Variants in GLIS3 observed in about 807,000 individuals in gnomAD.
GLIS3 encodes zinc finger protein GLIS3.
Under a neutral mutation model 78.6 loss-of-function variants are expected in GLIS3, and 53 were observed. The ratio of observed to expected loss-of-function variants is 0.67; its 90% confidence interval spans 0.54 to 0.85. The LOEUF (loss-of-function observed/expected upper bound fraction) is 0.85. Among genes scored for constraint, GLIS3 ranks in the 40% least tolerant of loss-of-function variants. GLIS3 has a pLI of 0.00. For synonymous variants in GLIS3, 684 were observed against 509.9 expected (o/e 1.34, Z -4.60); for missense variants, 1,703 against 1,231.1 (o/e 1.38, Z -5.74).
chr9:4,005,329 A>G (rs961811946), intron 4 of GLIS3, among the ~76,000 whole-genome samples: 1 of 152,236 alleles, frequency 6.6e-6, no homozygotes, highest in Non-Finnish European at 1.5e-5. Flanking sequence ...CCTGCCATTC[A>G]TTCATTCATG....
chr9:3,867,367 C>T (rs892360082), intron 8 of GLIS3, among the ~76,000 whole-genome samples: 6 of 152,156 alleles, frequency 3.9e-5, no homozygotes, highest in African/African-American at 1.4e-4. Flanking sequence ...AGGAGCATAT[C>T]AGGGGAGTGT....
intron 4 of GLIS3, among the ~76,000 whole-genome samples, chr9:4,070,244 C>G (rs533411228): frequency 3.0e-4 from 45 of 152,230 alleles, no homozygotes; most frequent in Admixed American, 1.4e-3. Flanking sequence ...CCATACAGAT[C>G]CATTCTGAGC....
At chr9:4,429,516 C>T in the GLIS3 span, among the ~76,000 whole-genome samples, 2 of 152,186 alleles carry the variant, frequency 1.3e-5, no homozygotes, top group African/African-American at 2.4e-5. Flanking sequence ...CCACAAGAGC[C>T]TTGTCTGACC....
intron 2 of GLIS3, among the ~76,000 whole-genome samples, chr9:4,207,348 T>C (rs1819975403): frequency 6.6e-6 from 1 of 152,198 alleles, no homozygotes; most frequent in Admixed American, 6.5e-5. Flanking sequence ...AACTTAGGAA[T>C]TTCCATTCAG....
intron 2 of GLIS3, among the ~76,000 whole-genome samples, chr9:4,253,720 C>T (rs1006241504): frequency 5.3e-5 from 8 of 152,202 alleles, no homozygotes; most frequent in African/African-American, 1.7e-4. Context: ...TGCTTGAAAC[C>T]CACGGCCCTG....
chr9:4,303,356 G>A (rs1419685126), upstream of GLIS3, among the ~76,000 whole-genome samples: 4 of 152,036 alleles, frequency 2.6e-5, no homozygotes, highest in African/African-American at 9.7e-5. Context: ...AACTTTAAGG[G>A]GGGAACTAAA....
intron 2 of GLIS3, among the ~76,000 whole-genome samples, chr9:4,212,341 T>A (rs1347369423): frequency 6.6e-6 from 1 of 152,224 alleles, no homozygotes; most frequent in Non-Finnish European, 1.5e-5. Context: ...GGCTCACATC[T>A]TAACAATGGA....
At chr9:4,140,325 A>C (rs1039875982) in intron 2 of GLIS3, among the ~76,000 whole-genome samples, 2 of 152,170 alleles carry the variant, frequency 1.3e-5, no homozygotes, top group African/African-American at 2.4e-5. Flanking sequence ...CCCTGTCCCC[A>C]AAAAACAAAA....
intron 4 of GLIS3, among the ~76,000 whole-genome samples, chr9:3,991,786 C>G (rs1751568): frequency 0.012 from 1,784 of 147,060 alleles, 17 homozygotes; most frequent in African/African-American, 0.026. Context: ...CGCCTCCCGG[C>G]TTCATGCCAT....
At chr9:3,982,033 G>A (rs1819333061) in intron 4 of GLIS3, among the ~76,000 whole-genome samples, 1 of 152,048 alleles carries the variant, frequency 6.6e-6, no homozygotes, top group Non-Finnish European at 1.5e-5. Context: ...TGCTGGATTG[G>A]CCTGTCTAAT....
chr9:4,259,820 G>C (rs902362428), intron 2 of GLIS3, among the ~76,000 whole-genome samples: 10 of 152,204 alleles, frequency 6.6e-5, no homozygotes, highest in African/African-American at 2.4e-4. Flanking sequence ...TCTGGAATTA[G>C]ATGCCATTTT....
rs72690052 is a variant in GLIS3 at position 4,258,303 on chromosome 9, T to C, written c.388+27735A>G. ...AGAATAGTGAAATCTGAATAAAGTC[T>C]ACAGTTTTAGTTTACAGTAACATAT... On this transcript the variant is annotated intron_variant, in intron 2 of 10. Coordinates refer to ENST00000381971, the MANE Select transcript of GLIS3 (RefSeq NM_001042413.2). Among the ~76,000 whole-genome samples, 1,139 of 150,908 alleles carry C rather than the reference T, an allele frequency of 7.5e-3. 7 individuals carry two copies. The highest frequency in any genetic ancestry group is 0.011 in the Non-Finnish European group (771 of 67,562).
At chr9:4,148,770 A>G (rs1293699923) in intron 2 of GLIS3, among the ~76,000 whole-genome samples, 1 of 152,126 alleles carries the variant, frequency 6.6e-6, no homozygotes, top group East Asian at 1.9e-4. Context: ...ATAATTTAAA[A>G]TAAGGGGAAA....
At chr9:4,264,086 T>C (rs980589464) in intron 2 of GLIS3, among the ~76,000 whole-genome samples, 3 of 152,204 alleles carry the variant, frequency 2.0e-5, no homozygotes, top group Admixed American at 6.5e-5. Context: ...GAAGAACTAA[T>C]AGGTATCTCA....
At chr9:4,392,577 T>C in the GLIS3 span, among the ~76,000 whole-genome samples, 1 of 152,116 alleles carries the variant, frequency 6.6e-6, no homozygotes, top group Non-Finnish European at 1.5e-5. Flanking sequence ...TTCTAACAGG[T>C]GACAGTTCCA....
the GLIS3 span, among the ~76,000 whole-genome samples, chr9:4,377,621 C>T: frequency 1.3e-5 from 1 of 77,726 alleles, no homozygotes; most frequent in Non-Finnish European, 3.2e-5. Flanking sequence ...TATCTTATTT[C>T]GCAAAGTAGT....
chr9:3,963,504 C>A (rs1419075854), intron 4 of GLIS3, among the ~76,000 whole-genome samples: 3 of 152,098 alleles, frequency 2.0e-5, no homozygotes. Context: ...GGTGCTTGGC[C>A]AAGTGGCTTC....
chr9:4,466,924 C>T, the GLIS3 span, among the ~76,000 whole-genome samples: 1 of 152,236 alleles, frequency 6.6e-6, no homozygotes, highest in Non-Finnish European at 1.5e-5. Context: ...AATTGGAACA[C>T]TCCCATCCTA....
At chr9:4,247,961 T>C (rs928890388) in intron 2 of GLIS3, among the ~76,000 whole-genome samples, 1 of 152,230 alleles carries the variant, frequency 6.6e-6, no homozygotes, top group Admixed American at 6.5e-5. Context: ...ATTACAGTCA[T>C]CCTGCTGTGC....
Sources: allele counts gnomAD v4.1 joint callset (sites outside exome capture counted in the v4.1 genomes callset), GRCh38; gene constraint gnomAD v4.1.1; transcripts MANE v1.5; gene names NCBI Gene and HGNC (gene_info 2026-07-23, HGNC 2026-07-21).